RALGPS2: variants seen among roughly 807,000 people sequenced by gnomAD.
The protein encoded by RALGPS2 is ras-specific guanine nucleotide-releasing factor RalGPS2.
In RALGPS2, 43 loss-of-function variants were observed where a neutral mutation model predicts 86.8. The observed-to-expected ratio is 0.50, with a 90% CI of 0.39 to 0.64. RALGPS2 has a LOEUF of 0.64. Ranked by LOEUF, RALGPS2 falls within the 30% of genes least tolerant of loss-of-function variation. The probability of loss-of-function intolerance (pLI) is 0.00; values close to 1 mark genes in which losing one functional copy is unlikely to be tolerated. For missense variants in RALGPS2, 536 were observed against 694.6 expected, an observed-to-expected ratio of 0.77 and a Z score of 2.57; for synonymous variants, 243 against 231.3, an observed-to-expected ratio of 1.05 and a Z score of -0.46.
At chr1:178,764,542 G>T (rs925428210) in intron 1 of RALGPS2, among the ~76,000 whole-genome samples, 1 of 152,144 alleles carries the variant, frequency 6.6e-6, no homozygotes, top group Non-Finnish European at 1.5e-5. Flanking sequence ...CTTGTGTGGT[G>T]CCTTTATAGG....
At position 178,897,728 on chromosome 1, in the gene RALGPS2, A is replaced by G; in HGVS notation, c.1496A>G (p.Lys499Arg). The G allele has an allele frequency of 6.2e-7, 1 of 1,612,438 alleles. No individual in the cohort carries two copies. Among genetic ancestry groups the G allele is most frequent in the South Asian group, 1.1e-5 (1 of 91,006 alleles). ...CGTQLFYYAA[K>R]SLKATERKHF... ...ACACAGCTTTTTTACTATGCTGCCAAATCTCTAAAGGCTACCGAAAGAAAA... is the reference window on the plus strand; with the variant it reads ...ACACAGCTTTTTTACTATGCTGCCAGATCTCTAAAGGCTACCGAAAGAAAA... Residue 499 changes from lysine (K) to arginine (R), a missense_variant, in exon 17 of 20, where the codon AAA (lysine) becomes AGA (arginine). Coordinates refer to ENST00000367635, the MANE Select transcript of RALGPS2 (RefSeq NM_152663.5).
At chr1:178,865,018 A>G in intron 8 of RALGPS2, 1 of 1,481,066 alleles carries the variant, frequency 6.8e-7, no homozygotes, top group Non-Finnish European at 9.0e-7. Context: ...TTGCCAGATC[A>G]GGTGGTGGCA....
intron 1 of RALGPS2, among the ~76,000 whole-genome samples, chr1:178,732,841 G>C (rs1227592188): frequency 6.6e-6 from 1 of 151,452 alleles, no homozygotes; most frequent in East Asian, 1.9e-4. Context: ...TACATTAATA[G>C]ATTATCTCCT....
At chr1:178,776,211 A>T (rs1487169625) in intron 1 of RALGPS2, among the ~76,000 whole-genome samples, 2 of 152,122 alleles carry the variant, frequency 1.3e-5, no homozygotes, top group East Asian at 3.9e-4. Flanking sequence ...TTTTTATGAC[A>T]TGTAGTTCAT....
intron 1 of RALGPS2, chr1:178,747,733 C>T (rs1291831595): frequency 8.4e-7 from 1 of 1,194,756 alleles, no homozygotes; most frequent in Non-Finnish European, 1.2e-6. Context: ...TCCTTGAACT[C>T]CCACTTGATG....
intron 8 of RALGPS2, among the ~76,000 whole-genome samples, chr1:178,849,273 C>T (rs1479954742): frequency 6.6e-6 from 1 of 152,108 alleles, no homozygotes; most frequent in Admixed American, 6.6e-5. Context: ...CATATAATAC[C>T]GCTTCTTATT....
intron 8 of RALGPS2, chr1:178,853,207 C>T: frequency 1.0e-6 from 1 of 985,246 alleles, no homozygotes; most frequent in Non-Finnish European, 1.2e-6. Flanking sequence ...TAAGACAATG[C>T]AAATGAGAAT....
At chr1:178,820,559 T>C (rs758133062) in intron 6 of RALGPS2, among the ~76,000 whole-genome samples, 1 of 152,246 alleles carries the variant, frequency 6.6e-6, no homozygotes, top group Non-Finnish European at 1.5e-5. Flanking sequence ...GGGCTGATTA[T>C]TCTGTAGAAC....
chr1:178,879,181 C>T (rs1440385844), intron 10 of RALGPS2, 189 bp downstream of exon 10: 2 of 654,568 alleles, frequency 3.1e-6, no homozygotes, highest in African/African-American at 3.8e-5. Flanking sequence ...TATACAAATA[C>T]CTCATCTGTT....
chr1:178,917,870 AATAGAC>A lies in RALGPS2; in HGVS notation c.*1512_*1517del, dbSNP rs2102430027. 1 of 152,278 alleles carries A rather than the reference AATAGAC, an allele frequency of 6.6e-6. No individual in the cohort carries two copies. The highest frequency in any genetic ancestry group is 1.9e-4 in the East Asian group (1 of 5,190). 9.4% of individuals were successfully genotyped at this position (152,278 alleles called of 1,614,324 possible). On this transcript the variant is annotated 3_prime_UTR_variant, in exon 20 of 20. Coordinates refer to ENST00000367635, the MANE Select transcript of RALGPS2 (RefSeq NM_152663.5). ...TAATGCTTTGTGACTGATATCTACT[AATAGAC>A]TTCTGTTACTTTGGGCCTCACATAA... is the stretch of plus-strand genomic sequence containing the variant.
intron 4 of RALGPS2, 43 bp from the exon 5 acceptor site, chr1:178,808,002 A>T (rs747406140): frequency 1.1e-5 from 14 of 1,261,354 alleles, no homozygotes; most frequent in Non-Finnish European, 1.6e-5. Flanking sequence ...GCAGAAAAAA[A>T]CTAGGCTATT....
chr1:178,917,389 T>C lies in RALGPS2; in HGVS notation c.*1030T>C, dbSNP rs1660849500. On this transcript the variant is annotated 3_prime_UTR_variant, in exon 20 of 20. Transcript: ENST00000367635. Reference sequence around the variant, plus strand: ...GCATAATGCCAGAGTTATTTTTTTATTATTCATTTTCTCTCTTTTTGTTCA... The same window carrying C: ...GCATAATGCCAGAGTTATTTTTTTACTATTCATTTTCTCTCTTTTTGTTCA... 6.6e-6 allele frequency: 1 copy of C among 152,194 alleles called. No individual in the cohort carries two copies. The highest frequency in any genetic ancestry group is 1.5e-5 in the Non-Finnish European group (1 of 68,028). The allele number at this position is 152,194 out of a possible 1,614,324, so 9.4% of individuals were successfully genotyped here. A position where few individuals can be genotyped will look rare whatever the true frequency, so the allele number is the denominator to read the frequency against.
chr1:178,733,966 T>A (rs957235728), intron 1 of RALGPS2, among the ~76,000 whole-genome samples: 1 of 152,178 alleles, frequency 6.6e-6, no homozygotes, highest in Admixed American at 6.5e-5. Flanking sequence ...TATTTGCAAG[T>A]CATATCTAAC....
chr1:178,740,261 GC>G (rs947403554), intron 1 of RALGPS2, among the ~76,000 whole-genome samples: 5 of 152,124 alleles, frequency 3.3e-5, no homozygotes, highest in African/African-American at 1.2e-4. Flanking sequence ...TATAATTCTG[GC>G]TTGCCCACAG....
At chr1:178,850,828 T>TC (rs1657123277) in intron 8 of RALGPS2, 1 of 212,214 alleles carries the variant, frequency 4.7e-6, no homozygotes, top group African/African-American at 2.3e-5. Context: ...ATTTATGATT[T>TC]AAAATATAGC....
intron 14 of RALGPS2, 70 bp from the exon 15 acceptor site, chr1:178,892,160 C>G: frequency 7.7e-7 from 1 of 1,303,892 alleles, no homozygotes; most frequent in South Asian, 1.2e-5. Flanking sequence ...TTATACTGTT[C>G]TAGGTATTGA....
chr1:178,741,783 TAGACTTAA>T (rs372871447), intron 1 of RALGPS2, among the ~76,000 whole-genome samples: 243 of 152,190 alleles, frequency 1.6e-3, no homozygotes, highest in African/African-American at 5.4e-3. Context: ...CAAAATATAA[TAGACTTAA>T]ACCTAACCAT....
chr1:178,832,315 GA>G (rs1656062132), intron 7 of RALGPS2, among the ~76,000 whole-genome samples: 1 of 152,168 alleles, frequency 6.6e-6, no homozygotes, highest in African/African-American at 2.4e-5. Flanking sequence ...GAGATTTTCT[GA>G]AGATAGTCTG....
At chr1:178,902,317 A>C in intron 18 of RALGPS2, 106 bp downstream of exon 18, 1 of 816,888 alleles carries the variant, frequency 1.2e-6, no homozygotes, top group Admixed American at 2.4e-5. Flanking sequence ...TGTTTTATGC[A>C]TACATGAAGA....
Sources: gnomAD v4.1 joint callset for allele counts (sites outside exome capture counted in the v4.1 genomes callset) on GRCh38, gnomAD v4.1.1 for gene constraint, MANE v1.5 for transcripts, NCBI Gene and HGNC (gene_info 2026-07-23, HGNC 2026-07-21) for gene names.